DNAJC2: variants seen among roughly 807,000 people sequenced by gnomAD.
DNAJC2 encodes DnaJ heat shock protein family (Hsp40) member C2.
A neutral mutation model predicts 94.0 loss-of-function variants in DNAJC2; 32 were observed. The ratio of observed to expected loss-of-function variants is 0.34; its 90% confidence interval spans 0.26 to 0.46. DNAJC2 has a LOEUF of 0.46. Among genes scored for constraint, DNAJC2 ranks in the 20% least tolerant of loss-of-function variants. The pLI is 1.00. For synonymous variants in DNAJC2, 210 were observed against 229.7 expected (o/e 0.91, Z 0.77); for missense variants, 550 against 719.5 (o/e 0.76, Z 2.69).
intron 10 of DNAJC2, among the ~76,000 whole-genome samples, chr7:103,321,625 A>C (rs777148478): frequency 3.0e-4 from 46 of 151,312 alleles, no homozygotes; most frequent in Non-Finnish European, 5.9e-4. Flanking sequence ...AGGCGGGGAG[A>C]TCACTTGAGG....
chr7:103,330,282 T>G (rs1201066585), intron 3 of DNAJC2, among the ~76,000 whole-genome samples: 1 of 151,936 alleles, frequency 6.6e-6, no homozygotes, highest in Non-Finnish European at 1.5e-5. Flanking sequence ...TAAATTGCAT[T>G]TGTTATTTTA....
At chr7:103,329,196 A>G in intron 3 of DNAJC2, 1 of 298,334 alleles carries the variant, frequency 3.4e-6, no homozygotes, top group South Asian at 2.9e-5. Flanking sequence ...TAACATCTAC[A>G]TAGCAGTTGA....
At chr7:103,322,820 A>C (rs776020528) in intron 7 of DNAJC2, 26 bp from the exon 8 acceptor site, 2 of 1,541,904 alleles carry the variant, frequency 1.3e-6, no homozygotes. Context: ...TATTGGAAAC[A>C]AACTACTGCT....
chr7:103,342,798 C>T (rs991316954), intron 1 of DNAJC2, among the ~76,000 whole-genome samples: 8 of 151,152 alleles, frequency 5.3e-5, no homozygotes, highest in Non-Finnish European at 8.8e-5. Context: ...TTAGTAAAGA[C>T]GGGGTTTCAC....
At chr7:103,331,250 G>A (rs763828247) in intron 3 of DNAJC2, among the ~76,000 whole-genome samples, 2 of 152,204 alleles carry the variant, frequency 1.3e-5, no homozygotes, top group African/African-American at 2.4e-5. Flanking sequence ...GAGCCACTGT[G>A]CCTGGCTCAT....
Position 103,341,592 on chromosome 7 carries a change from C to G in DNAJC2, c.255+172G>C, listed in dbSNP as rs189293360. On this transcript the variant is annotated intron_variant, in intron 2 of 16. Transcript: ENST00000379263. Reference sequence around the variant, plus strand: ...TCTTCCTGGATTTCTCCAGCAGAGACAGTATCTCATGGCTAGTGCTAATGC... The same window carrying G: ...TCTTCCTGGATTTCTCCAGCAGAGAGAGTATCTCATGGCTAGTGCTAATGC... Among the ~76,000 whole-genome samples the G allele has an allele frequency of 4.6e-5, 7 of 152,332 alleles. No individual in the cohort carries two copies. The East Asian group carries it at 1.3e-3, about 29-fold the overall frequency.
At chr7:103,320,783 ATT>A (rs1354275592) in intron 10 of DNAJC2, 1 of 154,640 alleles carries the variant, frequency 6.5e-6, no homozygotes, top group Non-Finnish European at 1.3e-5. Flanking sequence ...ATATATATAT[ATT>A]CTGAAACTGT....
At chr7:103,319,448 C>A (rs1818259218) in intron 12 of DNAJC2, among the ~76,000 whole-genome samples, 161 bp downstream of exon 12, 1 of 151,898 alleles carries the variant, frequency 6.6e-6, no homozygotes. Context: ...AAACAAAAAA[C>A]CAAAAAACCG....
At chr7:103,317,180 C>T in intron 12 of DNAJC2, 166 bp from the exon 13 acceptor site, 1 of 630,036 alleles carries the variant, frequency 1.6e-6, no homozygotes, top group Non-Finnish European at 2.7e-6. Context: ...TTCACTCTGG[C>T]TTCCAGTCTG....
At chr7:103,328,001 AC>A (rs1302697818) in intron 3 of DNAJC2, among the ~76,000 whole-genome samples, 1 of 151,906 alleles carries the variant, frequency 6.6e-6, no homozygotes, top group Non-Finnish European at 1.5e-5. Context: ...GCTCACTGCA[AC>A]CTCCGCCTCC....
At chr7:103,329,018 T>C in intron 3 of DNAJC2, 1 of 1,270,012 alleles carries the variant, frequency 7.9e-7, no homozygotes, top group Non-Finnish European at 1.0e-6. Flanking sequence ...TACGTGAACA[T>C]CCTTTTACCA....
At chr7:103,337,583 G>A in intron 3 of DNAJC2, 153 bp downstream of exon 3, 1 of 590,410 alleles carries the variant, frequency 1.7e-6, no homozygotes, top group Non-Finnish European at 3.0e-6. Flanking sequence ...GAAGGCAGGG[G>A]AGACCGTGGT....
chr7:103,317,095 G>C (rs1818113531), intron 12 of DNAJC2, 81 bp from the exon 13 acceptor site: 1 of 1,221,384 alleles, frequency 8.2e-7, no homozygotes, highest in East Asian at 2.3e-5. Flanking sequence ...GGGCTTTGTG[G>C]TCCTCAACTC....
intron 5 of DNAJC2, 89 bp downstream of exon 5, chr7:103,326,454 C>A: frequency 7.7e-7 from 1 of 1,292,204 alleles, no homozygotes; most frequent in Admixed American, 2.0e-5. Flanking sequence ...ATAAATGAAA[C>A]TATTATCAGA....
At chr7:103,321,312 T>C (rs1220109412) in intron 10 of DNAJC2, among the ~76,000 whole-genome samples, 1 of 150,414 alleles carries the variant, frequency 6.6e-6, no homozygotes, top group Admixed American at 6.6e-5. Flanking sequence ...AGGTCAGGAG[T>C]TCAAGACCAG....
chr7:103,315,083 A>G lies in DNAJC2; in HGVS notation c.1636+681T>C, dbSNP rs146471453. ...CTATTCAACACACTAAATTGACTTC[A>G]TGACCCAGTGATGGGTCATGATTTG... On this transcript the variant is annotated intron_variant, in intron 15 of 16. Transcript: ENST00000379263. 8.4e-3 allele frequency among the ~76,000 whole-genome samples: 1,282 copies of G among 152,236 alleles called. 18 individuals are homozygous for G. Among genetic ancestry groups the G allele is most frequent in the African/African-American group, 0.029 (1,216 of 41,544 alleles).
At chr7:103,322,371 C>T in intron 9 of DNAJC2, 140 bp downstream of exon 9, 1 of 929,006 alleles carries the variant, frequency 1.1e-6, no homozygotes, top group Non-Finnish European at 1.5e-6. Context: ...ATTATACCAA[C>T]TGGTCATGAT....
In DNAJC2 at chr7:103,316,979, T is replaced by C. The variant is rs1439336946; in HGVS notation, c.1278A>G (p.Lys426=). 4 of 1,613,708 alleles carry C rather than the reference T, an allele frequency of 2.5e-6. No individual in the cohort carries two copies. The highest frequency in any genetic ancestry group is 1.1e-5 in the South Asian group (1 of 91,040). ...GTCGCATACGAGCCTCAGCTTCCTC[T>C]TTCTCTTTTCTGATTTGCTCATTTA... ...EEINEQIRKE[K]EEAEARMRQA... Residue 426 remains lysine, a synonymous_variant, in exon 13 of 17, where the codon AAA becomes AAG. Transcript: ENST00000379263.
Position 103,312,388 on chromosome 7 carries a change from C to G in DNAJC2, c.*181G>C. On this transcript the variant is annotated 3_prime_UTR_variant, in exon 17 of 17. Transcript: ENST00000379263. ...TGAATTAAATACTGTATCATACTTT[C>G]AAAGGATAAAAAGACTACCCCTCTG... 3 of 1,526,932 alleles carry G rather than the reference C, an allele frequency of 2.0e-6. No individual in the cohort carries two copies. Among genetic ancestry groups the G allele is most frequent in the Non-Finnish European group, 2.6e-6 (3 of 1,146,058 alleles). The allele number at this position is 1,526,932 out of a possible 1,614,324, so 94.6% of individuals were successfully genotyped here.
Sources: gnomAD v4.1 joint callset for allele counts (sites outside exome capture counted in the v4.1 genomes callset) on GRCh38, gnomAD v4.1.1 for gene constraint, MANE v1.5 for transcripts, NCBI Gene and HGNC (gene_info 2026-07-23, HGNC 2026-07-21) for gene names.